The following PKD2L1 variants were observed in gnomAD, a reference collection of about 807,000 sequenced individuals.
PKD2L1 encodes the protein polycystin-2-like protein 1.
PKD2L1 carries 77 observed loss-of-function variants against 93.0 expected under a neutral mutation model. The observed-to-expected ratio is 0.83, with a 90% CI of 0.69 to 1.00. PKD2L1 has a LOEUF of 1.00. PKD2L1 is among the 50% of genes least tolerant of loss of function. The pLI is 0.00. For missense variants in PKD2L1, 977 were observed against 990.9 expected, an observed-to-expected ratio of 0.99 and a Z score of 0.19; for synonymous variants, 390 against 388.0, an observed-to-expected ratio of 1.01 and a Z score of -0.06.
rs1237204940 is a variant in PKD2L1 at position 100,314,962 on chromosome 10, AGAAGGAAGGAAGGAAGGAAGGAAGGAAG to A, written c.349+14221_349+14248del. Among the ~76,000 whole-genome samples the A allele has an allele frequency of 9.0e-3, 298 of 33,096 alleles. 7 individuals are homozygous for A. Among genetic ancestry groups the A allele is most frequent in the South Asian group, 0.011 (11 of 958 alleles). 21.7% of individuals were successfully genotyped at this position (33,096 alleles called of 152,430 possible). A position where few individuals can be genotyped will look rare whatever the true frequency, so the allele number is the denominator to read the frequency against. On this transcript the variant is annotated intron_variant, in intron 2 of 15. Coordinates refer to ENST00000318222, the MANE Select transcript of PKD2L1 (RefSeq NM_016112.3). ...AGGCAGAAAAGAAAGAAAGAAAGAAAGAAGGAAGGAAGGAAGGAAGGAAGGAAGGAAGGAAGGAAGGAAGGAAGGAAGG... is the reference window on the plus strand; with the variant it reads ...AGGCAGAAAAGAAAGAAAGAAAGAAAGAAGGAAGGAAGGAAGGAAGGAAGG...
At chr10:100,312,953 G>A (rs975318933) in intron 2 of PKD2L1, among the ~76,000 whole-genome samples, 4 of 151,726 alleles carry the variant, frequency 2.6e-5, no homozygotes, top group African/African-American at 9.7e-5. Context: ...AAGAGATAAG[G>A]TAACATTTCT....
Position 100,293,392 on chromosome 10 carries a change from G to T in PKD2L1, c.1660-13C>A, listed in dbSNP as rs957109495. On this transcript the variant is annotated splice_polypyrimidine_tract_variant and intron_variant, in intron 9 of 15. Transcript: ENST00000318222. ...CCAGGAACATGTTCTGGAAAATGAAGTGGGGACCTGGGTCCTCACCCCCAG... is the reference window on the plus strand; with the variant it reads ...CCAGGAACATGTTCTGGAAAATGAATTGGGGACCTGGGTCCTCACCCCCAG... 1 of 1,562,164 alleles carries T rather than the reference G, an allele frequency of 6.4e-7. No individual in the cohort carries two copies. The highest frequency in any genetic ancestry group is 1.4e-5 in the African/African-American group (1 of 74,070).
At chr10:100,306,860 A>AAAAAAAAAAAC (rs1286643149) in intron 2 of PKD2L1, among the ~76,000 whole-genome samples, 1 of 148,674 alleles carries the variant, frequency 6.7e-6, no homozygotes, top group East Asian at 1.9e-4. Flanking sequence ...CCTGTCAAAA[A>AAAAAAAAAAAC]AAAAAAAAAA....
At chr10:100,313,490 T>G (rs182892485) in intron 2 of PKD2L1, among the ~76,000 whole-genome samples, 4 of 152,300 alleles carry the variant, frequency 2.6e-5, no homozygotes, top group African/African-American at 4.8e-5. Flanking sequence ...ATAGAGTTGG[T>G]AATTAGTGAT....
chr10:100,293,266 A>G lies in PKD2L1; in HGVS notation c.1758+15T>C. The G allele has an allele frequency of 6.4e-7, 1 of 1,573,096 alleles. No homozygotes were observed. The highest frequency in any genetic ancestry group is 8.8e-7 in the Non-Finnish European group (1 of 1,142,470). On this transcript the variant is annotated intron_variant, in intron 10 of 15. Transcript: ENST00000318222. ...ACTGATGGAAATGTGTAGCTCAAGG[A>G]GATTGAGCAATCACCTGTTTCAGGA...
intron 2 of PKD2L1, among the ~76,000 whole-genome samples, chr10:100,310,162 C>A (rs1848901212): frequency 6.6e-6 from 1 of 152,070 alleles, no homozygotes; most frequent in Non-Finnish European, 1.5e-5. Context: ...GGTGAGACCC[C>A]ATTTCTACAA....
intron 12 of PKD2L1, 142 bp downstream of exon 12, chr10:100,291,159 G>A: frequency 1.2e-6 from 1 of 834,676 alleles, no homozygotes; most frequent in Non-Finnish European, 1.9e-6. Context: ...CTAATGTGCA[G>A]CAGTTTGGGA....
chr10:100,298,584 A>G lies in PKD2L1; in HGVS notation c.709T>C (p.Phe237Leu). ...CACGCTGTGCCATTGAAGGGCCCAA[A>G]GGGGAGTTGTTCTTCTTTGTCTGGA... ...YSPDKEEQLPFGPFNGTAWTY... is the reference protein window; with the variant it reads ...YSPDKEEQLPLGPFNGTAWTY... Residue 237 changes from phenylalanine to leucine, a missense_variant, in exon 4 of 16, where the codon TTT becomes CTT. By Grantham distance (22) the Phe-to-Leu change is conservative. Transcript: ENST00000318222. 6.2e-7 allele frequency: 1 copy of G among 1,614,154 alleles called. No individual in the cohort carries two copies. The highest frequency in any genetic ancestry group is 8.5e-7 in the Non-Finnish European group (1 of 1,180,010).
chr10:100,315,794 T>G (rs1393275909), intron 2 of PKD2L1, among the ~76,000 whole-genome samples: 1 of 152,194 alleles, frequency 6.6e-6, no homozygotes, highest in African/African-American at 2.4e-5. Flanking sequence ...GCCTGAGGCC[T>G]TAGTTGGCTG....
Position 100,294,633 on chromosome 10 carries a change from G to GTGAACT in PKD2L1, c.1560_1561insAGTTCA (p.Ile520_Leu521insSerSer). ...ATAGCATTGTAGTCAAAGTCCCCGA[G>GTGAACT]GATTATCCGGAACTGAGTGAAACTG... On this transcript the variant is annotated inframe_insertion, in exon 9 of 16. Transcript: ENST00000318222. 1 of 1,614,070 alleles carries GTGAACT rather than the reference G, an allele frequency of 6.2e-7. No homozygotes were observed.
intron 2 of PKD2L1, among the ~76,000 whole-genome samples, chr10:100,311,599 C>T (rs929558387): frequency 1.3e-5 from 2 of 152,166 alleles, no homozygotes; most frequent in Non-Finnish European, 2.9e-5. Context: ...TGACTTCAGT[C>T]GGAAACTTTG....
chr10:100,288,689 T>A lies in PKD2L1; in HGVS notation c.2336-211A>T, dbSNP rs565435853. 2.9e-3 allele frequency among the ~76,000 whole-genome samples: 446 copies of A among 152,158 alleles called. 4 individuals are homozygous for A. Among genetic ancestry groups the A allele is most frequent in the African/African-American group, 0.01 (431 of 41,516 alleles). ...TCCTGTTTGTTAACTTTTTTTTTTT[T>A]AATTAACACACAGAGCTAAGTACAC... is the stretch of plus-strand genomic sequence containing the variant. On this transcript the variant is annotated intron_variant, in intron 15 of 15. Coordinates refer to ENST00000318222, the MANE Select transcript of PKD2L1 (RefSeq NM_016112.3).
At position 100,297,597 on chromosome 10, in the gene PKD2L1, G is replaced by T. The variant is rs754718287; in HGVS notation, c.741C>A (p.Tyr247Ter). The change falls in exon 5 of 16, where the codon TAC (tyrosine) becomes TAA (stop). Residue 247 changes from tyrosine (Y) to a stop codon, truncating the protein, a stop_gained. Coordinates refer to ENST00000318222, the MANE Select transcript of PKD2L1 (RefSeq NM_016112.3). LOFTEE classifies it high-confidence loss of function. ...FGPFNGTAWT[Y>*]HSQDELGGFS... ...AGCCCCCCAACTCATCCTGCGAGTG[G>T]TATGTCCACCTGCCACAGAAAATGC... 1.2e-6 allele frequency: 2 copies of T among 1,612,282 alleles called. No homozygotes were observed. Among genetic ancestry groups the T allele is most frequent in the East Asian group, 4.5e-5 (2 of 44,772 alleles).
At chr10:100,289,542 AT>A (rs1419876810) in intron 14 of PKD2L1, among the ~76,000 whole-genome samples, 11 of 152,056 alleles carry the variant, frequency 7.2e-5, no homozygotes, top group South Asian at 4.2e-4. Flanking sequence ...TCCATCTCAA[AT>A]AATAATAATA....
chr10:100,326,292 G>T (rs889838302), intron 2 of PKD2L1, among the ~76,000 whole-genome samples: 2 of 152,070 alleles, frequency 1.3e-5, no homozygotes, highest in Non-Finnish European at 2.9e-5. Context: ...TTCTTATAAG[G>T]CCAGACTTGT....
chr10:100,318,905 G>A lies in PKD2L1; in HGVS notation c.349+10306C>T, dbSNP rs1294835708. On this transcript the variant is annotated intron_variant, in intron 2 of 15. Transcript: ENST00000318222. Reference sequence around the variant, plus strand: ...TCTGTCGCCCAGGCTGAGTACAGTGGCGTGATCTCGGCTCACTGCAACCTC... The same window carrying A: ...TCTGTCGCCCAGGCTGAGTACAGTGACGTGATCTCGGCTCACTGCAACCTC... Among the ~76,000 whole-genome samples the A allele has an allele frequency of 2.7e-5, 4 of 150,434 alleles. No homozygotes were observed. In the East Asian group the frequency reaches 7.8e-4, roughly 30 times the overall value.
At position 100,298,697 on chromosome 10, in the gene PKD2L1, C is replaced by T; in HGVS notation, c.596G>A (p.Arg199Lys). The change falls in exon 4 of 16, where the codon AGG (arginine) becomes AAG (lysine). Residue 199 changes from arginine to lysine, a missense_variant. Coordinates refer to ENST00000318222, the MANE Select transcript of PKD2L1 (RefSeq NM_016112.3). ...YYENMLLGVP[R>K]LRQLKVRNDS... ...ATTGCGGACCTTTAGCTGCCGCAGCCTCGGAACCCCCAGCAGCATGTTCTC... is the reference window on the plus strand; with the variant it reads ...ATTGCGGACCTTTAGCTGCCGCAGCTTCGGAACCCCCAGCAGCATGTTCTC... 1.9e-6 allele frequency: 3 copies of T among 1,614,140 alleles called. No individual in the cohort carries two copies. Among genetic ancestry groups the T allele is most frequent in the Non-Finnish European group, 1.7e-6 (2 of 1,180,014 alleles).
At position 100,329,198 on chromosome 10, in the gene PKD2L1, A is replaced by T; in HGVS notation, c.349+13T>A. Reference sequence around the variant, plus strand: ...CTCACAGACAGATGTACACAAACACAGATGCTACTCACGTAGACAGATGTC... The same window carrying T: ...CTCACAGACAGATGTACACAAACACTGATGCTACTCACGTAGACAGATGTC... On this transcript the variant is annotated intron_variant, in intron 2 of 15. Transcript: ENST00000318222. The T allele has an allele frequency of 6.2e-7, 1 of 1,613,264 alleles. No homozygotes were observed. Among genetic ancestry groups the T allele is most frequent in the Non-Finnish European group, 8.5e-7 (1 of 1,179,200 alleles).
intron 2 of PKD2L1, among the ~76,000 whole-genome samples, chr10:100,313,656 C>G (rs1848982788): frequency 6.6e-6 from 1 of 151,172 alleles, no homozygotes; most frequent in African/African-American, 2.5e-5. Context: ...GTTACTGGGT[C>G]TACCCTCAAC....
Sources: allele counts gnomAD v4.1 joint callset (sites outside exome capture counted in the v4.1 genomes callset), GRCh38; gene constraint gnomAD v4.1.1; transcripts MANE v1.5; gene names NCBI Gene and HGNC (gene_info 2026-07-23, HGNC 2026-07-21).